NEDD4: variants seen among roughly 807,000 people sequenced by gnomAD.
The protein encoded by NEDD4 is E3 ubiquitin-protein ligase NEDD4.
Under a neutral mutation model 144.9 loss-of-function variants are expected in NEDD4, and 99 were observed. The ratio of observed to expected loss-of-function variants is 0.68; its 90% CI spans 0.58 to 0.81. The LOEUF (loss-of-function observed/expected upper bound fraction) is 0.81, where lower values mean the gene tolerates loss of function less well. NEDD4 is among the 30% of genes least tolerant of loss of function. The probability of loss-of-function intolerance (pLI) is 0.00; values close to 1 mark genes in which losing one functional copy is unlikely to be tolerated. For missense variants in NEDD4, 985 were observed against 1,065.9 expected (o/e 0.92, Z 1.06); for synonymous variants, 318 against 350.6 (o/e 0.91, Z 1.04).
chr15:55,866,802 C>T (rs1375282194), intron 8 of NEDD4, among the ~76,000 whole-genome samples: 5 of 152,136 alleles, frequency 3.3e-5, no homozygotes, highest in African/African-American at 9.7e-5. Context: ...CAATCAAACA[C>T]GGCTTAGAAA....
intron 11 of NEDD4, among the ~76,000 whole-genome samples, chr15:55,857,840 TGAGGTGG>T (rs2034256370): frequency 6.6e-6 from 1 of 152,146 alleles, no homozygotes; most frequent in Non-Finnish European, 1.5e-5. Flanking sequence ...CTCCAGAGGC[TGAGGTGG>T]GAGAATCCCT....
chr15:55,939,081 G>A (rs1391683246), intron 4 of NEDD4, among the ~76,000 whole-genome samples: 1 of 151,140 alleles, frequency 6.6e-6, no homozygotes, highest in African/African-American at 2.4e-5. Context: ...GCTCCAACCT[G>A]GATAATAGAG....
chr15:55,907,911 T>C (rs2036151823), intron 5 of NEDD4, among the ~76,000 whole-genome samples: 1 of 152,184 alleles, frequency 6.6e-6, no homozygotes, highest in Non-Finnish European at 1.5e-5. Flanking sequence ...GTGGAATATG[T>C]AGGCTATGAA....
chr15:55,938,689 A>C (rs1364052175), intron 4 of NEDD4, among the ~76,000 whole-genome samples: 1 of 152,180 alleles, frequency 6.6e-6, no homozygotes, highest in Non-Finnish European at 1.5e-5. Context: ...AAATGGGAAA[A>C]ATATTTGCAG....
chr15:55,893,487 A>G (rs1274572828), intron 5 of NEDD4, among the ~76,000 whole-genome samples: 1 of 152,000 alleles, frequency 6.6e-6, no homozygotes, highest in Non-Finnish European at 1.5e-5. Context: ...TAAAACTTTA[A>G]TTGTAAGTTT....
chr15:55,870,566 C>A (rs2034755577), intron 7 of NEDD4, among the ~76,000 whole-genome samples: 1 of 141,214 alleles, frequency 7.1e-6, no homozygotes, highest in Non-Finnish European at 1.5e-5. Flanking sequence ...CAGCATCTCC[C>A]TCTGTCGCCC....
At chr15:55,968,369 C>G (rs529450323) in intron 1 of NEDD4, among the ~76,000 whole-genome samples, 4 of 151,570 alleles carry the variant, frequency 2.6e-5, no homozygotes, top group Non-Finnish European at 5.9e-5. Context: ...ATCTTAATAG[C>G]AAAAATTATT....
chr15:55,896,148 T>C (rs1490802993), intron 5 of NEDD4, among the ~76,000 whole-genome samples: 1 of 152,154 alleles, frequency 6.6e-6, no homozygotes, highest in Non-Finnish European at 1.5e-5. Flanking sequence ...TCAAGCTCAC[T>C]CAGCACACCC....
intron 1 of NEDD4, among the ~76,000 whole-genome samples, chr15:55,968,547 A>C (rs1166284378): frequency 6.6e-6 from 1 of 152,230 alleles, no homozygotes; most frequent in Non-Finnish European, 1.5e-5. Flanking sequence ...ATTATCCAGA[A>C]TATGTGAATA....
intron 5 of NEDD4, among the ~76,000 whole-genome samples, chr15:55,876,574 A>G (rs1337737110): frequency 1.3e-5 from 2 of 152,210 alleles, no homozygotes; most frequent in Admixed American, 6.5e-5. Context: ...AATTGACTGC[A>G]GAGCTAAAAA....
intron 18 of NEDD4, among the ~76,000 whole-genome samples, chr15:55,843,870 C>A (rs544265419): frequency 6.6e-6 from 1 of 151,306 alleles, no homozygotes; most frequent in African/African-American, 2.4e-5. Flanking sequence ...GTAGGGCCAA[C>A]GATGGGGAAT....
At chr15:55,928,696 G>A (rs2036722829) in intron 4 of NEDD4, among the ~76,000 whole-genome samples, 1 of 152,134 alleles carries the variant, frequency 6.6e-6, no homozygotes, top group African/African-American at 2.4e-5. Flanking sequence ...TCTCCCTAGA[G>A]CCTGACCTCC....
rs1346592517 is a variant in NEDD4, at chr15:55,869,568, T to C, written c.507+11A>G. On this transcript the variant is annotated intron_variant, in intron 8 of 28. Coordinates refer to ENST00000435532, the MANE Select transcript of NEDD4 (RefSeq NM_006154.4). ...TTTTTTTAGTTTAACCAAATATTTA[T>C]AAAATCTCACCTCTAATTCCTCAGC... 1.3e-6 allele frequency: 2 copies of C among 1,520,708 alleles called. No individual in the cohort carries two copies. Among genetic ancestry groups the C allele is most frequent in the Admixed American group, 2.0e-5 (1 of 49,346 alleles). The allele number at this position is 1,520,708 out of a possible 1,614,324, so 94.2% of individuals were successfully genotyped here. A position where few individuals can be genotyped will look rare whatever the true frequency, so the allele number is the denominator to read the frequency against.
At chr15:55,848,784 G>A (rs1047505484) in intron 15 of NEDD4, 22 bp downstream of exon 15, 3 of 1,598,928 alleles carry the variant, frequency 1.9e-6, no homozygotes, top group African/African-American at 1.3e-5. Flanking sequence ...AGTTAGATGG[G>A]TTAGCATTTC....
intron 5 of NEDD4, among the ~76,000 whole-genome samples, chr15:55,923,016 T>A (rs1233123636): frequency 6.6e-6 from 1 of 151,732 alleles, no homozygotes; most frequent in Non-Finnish European, 1.5e-5. Context: ...AAACCCCGTC[T>A]CTACTAAAAA....
At chr15:55,957,392 T>C (rs2037355212) in intron 2 of NEDD4, among the ~76,000 whole-genome samples, 1 of 152,200 alleles carries the variant, frequency 6.6e-6, no homozygotes, top group South Asian at 2.1e-4. Context: ...GGCTTCAAAC[T>C]GCCACCATTA....
intron 5 of NEDD4, among the ~76,000 whole-genome samples, chr15:55,913,096 A>G (rs182523626): frequency 3.3e-4 from 50 of 152,176 alleles, no homozygotes; most frequent in African/African-American, 1.1e-3. Flanking sequence ...GAAGTTGTAG[A>G]CTCTCAGTGC....
intron 7 of NEDD4, among the ~76,000 whole-genome samples, chr15:55,870,644 A>C (rs1156463287): frequency 6.7e-6 from 1 of 149,642 alleles, no homozygotes; most frequent in East Asian, 2.0e-4. Context: ...GGTGATCTTC[A>C]CACCTTAGCC....
intron 5 of NEDD4, among the ~76,000 whole-genome samples, chr15:55,889,761 T>A (rs982689308): frequency 6.6e-6 from 1 of 152,122 alleles, no homozygotes; most frequent in Non-Finnish European, 1.5e-5. Flanking sequence ...AGTGCAGTGG[T>A]GTGATCTCAG....
Sources: gnomAD v4.1 joint callset for allele counts (sites outside exome capture counted in the v4.1 genomes callset) on GRCh38, gnomAD v4.1.1 for gene constraint, MANE v1.5 for transcripts, NCBI Gene and HGNC (gene_info 2026-07-23, HGNC 2026-07-21) for gene names.